Variants in GCN1 observed in about 807,000 individuals in gnomAD.
The protein encoded by GCN1 is GCN1 activator of EIF2AK4.
Under a neutral mutation model 288.4 loss-of-function variants are expected in GCN1, and 90 were observed. That is an observed-to-expected ratio of 0.31 (90% confidence interval 0.26 to 0.37). The LOEUF is 0.37. Ranked by LOEUF, GCN1 falls within the 10% of genes least tolerant of loss-of-function variation. GCN1 has a pLI of 1.00. For missense variants in GCN1, 2,586 were observed against 3,419.9 expected, an observed-to-expected ratio of 0.76 and a Z score of 6.08; for synonymous variants, 1,386 against 1,420.2, an observed-to-expected ratio of 0.98 and a Z score of 0.54.
At chr12:120,188,026 C>T (rs118093042) in intron 2 of GCN1, among the ~76,000 whole-genome samples, 1 of 152,194 alleles carries the variant, frequency 6.6e-6, no homozygotes, top group East Asian at 1.9e-4. Flanking sequence ...AAATGTGTTC[C>T]CCAGACCCTC....
intron 1 of GCN1, 119 bp from the exon 2 acceptor site, chr12:120,190,519 C>T: frequency 1.5e-6 from 1 of 666,508 alleles, no homozygotes; most frequent in South Asian, 1.7e-5. Flanking sequence ...TCAACCTCCC[C>T]ACTGGTGACA....
chr12:120,144,802 T>G lies in GCN1; in HGVS notation c.5189A>C (p.Glu1730Ala). 1 of 1,614,090 alleles carries G rather than the reference T, an allele frequency of 6.2e-7. No homozygotes were observed. Among genetic ancestry groups the G allele is most frequent in the Non-Finnish European group, 8.5e-7 (1 of 1,180,000 alleles). ...TTCTGGCATCAACTTCTCCAACTTC[T>G]CCACCCCCAAACCGGCCATGACCTC... Reference protein sequence around the residue: ...LAEVMAGLGVEKLEKLMPEIV... With the variant: ...LAEVMAGLGVAKLEKLMPEIV... The change falls in exon 41 of 58, where the codon GAG (glutamate) becomes GCG (alanine). Residue 1730 changes from glutamate (E) to alanine (A), a missense_variant. By Grantham distance (107) the Glu-to-Ala change is moderately radical. Coordinates refer to ENST00000300648, the MANE Select transcript of GCN1 (RefSeq NM_006836.2). This position sits in a 1 kb window ranked among gnomAD's most constrained non-coding sequence, Gnocchi z 4.7.
rs1876920404 is a variant in GCN1 at position 120,134,195 on chromosome 12, C to G, written c.7317+96G>C. 3 of 764,010 alleles carry G rather than the reference C, an allele frequency of 3.9e-6. No individual in the cohort carries two copies. In the African/African-American group the frequency reaches 5.1e-5, roughly 13 times the overall value. The allele number at this position is 764,010 out of a possible 1,614,324, so 47.3% of individuals were successfully genotyped here. A position where few individuals can be genotyped will look rare whatever the true frequency, so the allele number is the denominator to read the frequency against. The stretch of plus-strand genomic sequence containing the variant: ...GTCAGGAATGCTTATTACTACTGAG[C>G]TGTACTGGTTCTAACACAAAGTGAA... On this transcript the variant is annotated intron_variant, in intron 53 of 57. Transcript: ENST00000300648. This position sits in a 1 kb window ranked among gnomAD's most constrained non-coding sequence, Gnocchi z 5.0.
Position 120,142,752 on chromosome 12 carries a change from G to A in GCN1, c.5614-30C>T. ...AGCCAGTAGAAGGGGACAGAGAGTAGTGAAGCCTCTATGGCATGGGCATCA... is the reference window on the plus strand; with the variant it reads ...AGCCAGTAGAAGGGGACAGAGAGTAATGAAGCCTCTATGGCATGGGCATCA... On this transcript the variant is annotated intron_variant, in intron 43 of 57. Transcript: ENST00000300648. The surrounding 1 kb of genome is among the most constrained non-coding windows in gnomAD (Gnocchi z 4.9). 1 of 1,609,012 alleles carries A rather than the reference G, an allele frequency of 6.2e-7. No individual in the cohort carries two copies. The highest frequency in any genetic ancestry group is 8.5e-7 in the Non-Finnish European group (1 of 1,175,300).
chr12:120,175,287 G>T lies in GCN1; in HGVS notation c.1043-75C>A, dbSNP rs1594284361. ...AAGAGAGTGAACAATGCAGTCACGT[G>T]TGTGATGCCACGATACGGTTTCTGA... On this transcript the variant is annotated intron_variant, in intron 11 of 57. Coordinates refer to ENST00000300648, the MANE Select transcript of GCN1 (RefSeq NM_006836.2). 9 of 1,282,472 alleles carry T rather than the reference G, an allele frequency of 7.0e-6. No homozygotes were observed. The Admixed American group carries it at 8.5e-5, about 12-fold the overall frequency. 79.4% of individuals were successfully genotyped at this position (1,282,472 alleles called of 1,614,324 possible). A position where few individuals can be genotyped will look rare whatever the true frequency, so the allele number is the denominator to read the frequency against.
Position 120,164,317 on chromosome 12 carries a change from A to G in GCN1, c.1848+19T>C, listed in dbSNP as rs780948430. On this transcript the variant is annotated intron_variant, in intron 18 of 57. Coordinates refer to ENST00000300648, the MANE Select transcript of GCN1 (RefSeq NM_006836.2). ...AAGTGGATCCAAGAGCCCCAGTTCT[A>G]GAGCCCAGATGCCCTCACCTTGTGA... is the stretch of plus-strand genomic sequence containing the variant. 4 of 1,603,426 alleles carry G rather than the reference A, an allele frequency of 2.5e-6. No individual in the cohort carries two copies. Among genetic ancestry groups the G allele is most frequent in the South Asian group, 1.1e-5 (1 of 90,408 alleles).
chr12:120,169,719 G>T (rs1392043227), intron 15 of GCN1, among the ~76,000 whole-genome samples: 1 of 152,184 alleles, frequency 6.6e-6, no homozygotes, highest in Non-Finnish European at 1.5e-5. Flanking sequence ...GGCCAGAATG[G>T]TCTCGAAATC....
rs1380072160 is a variant in GCN1, at chr12:120,153,209, G to A, written c.4062+4C>T. On this transcript the variant is annotated splice_donor_region_variant and intron_variant, in intron 33 of 57. Coordinates refer to ENST00000300648, the MANE Select transcript of GCN1 (RefSeq NM_006836.2). The surrounding 1 kb of genome is among the most constrained non-coding windows in gnomAD (Gnocchi z 4.4). ...ATGTGGGTCCCAGGCCAGATGGCAG[G>A]TACCTGCTGGGAGGGGGTGGAGAGG... 1 of 1,613,184 alleles carries A rather than the reference G, an allele frequency of 6.2e-7. No homozygotes were observed. Among genetic ancestry groups the A allele is most frequent in the East Asian group, 2.2e-5 (1 of 44,882 alleles).
At position 120,168,298 on chromosome 12, in the gene GCN1, C is replaced by T. The variant is rs779196254; in HGVS notation, c.1522G>A (p.Ala508Thr). The T allele has an allele frequency of 7.5e-6, 12 of 1,591,288 alleles. No homozygotes were observed. The highest frequency in any genetic ancestry group is 3.3e-5 in the Admixed American group (2 of 59,974). Residue 508 changes from alanine to threonine, a missense_variant and splice_region_variant, in exon 16 of 58, where the codon GCC becomes ACC. Physicochemically the swap from Ala to Thr is moderately conservative, Grantham distance 58. This residue lies in a region of GCN1 where 913 missense variants were observed against 1,107.0 expected (regional missense o/e 0.82). Coordinates refer to ENST00000300648, the MANE Select transcript of GCN1 (RefSeq NM_006836.2). ...KLSVADSQAE[A>T]KLSSFWQLIV... Reference sequence around the variant, plus strand: ...AACTGCCAGAAACTGCTCAGTTTGGCCTCTGCAAGAAACAAAAGGTTACCC... The same window carrying T: ...AACTGCCAGAAACTGCTCAGTTTGGTCTCTGCAAGAAACAAAAGGTTACCC...
Position 120,134,276 on chromosome 12 carries a change from TGCCTGCA to T in GCN1, c.7317+8_7317+14del. 6.3e-7 allele frequency: 1 copy of T among 1,581,884 alleles called. No individual in the cohort carries two copies. The highest frequency in any genetic ancestry group is 1.1e-5 in the South Asian group (1 of 90,422). On this transcript the variant is annotated splice_region_variant and intron_variant, in intron 53 of 57. Coordinates refer to ENST00000300648, the MANE Select transcript of GCN1 (RefSeq NM_006836.2). The surrounding 1 kb of genome is among the most constrained non-coding windows in gnomAD (Gnocchi z 5.0). Reference sequence around the variant, plus strand: ...AGTGGTCCAGTGCTGCCACTAGTCCTGCCTGCAGCCGTACCTCATCGTGTCCCAGCAT... The same window carrying T: ...AGTGGTCCAGTGCTGCCACTAGTCCTGCCGTACCTCATCGTGTCCCAGCAT...
At position 120,138,334 on chromosome 12, in the gene GCN1, G is replaced by C; in HGVS notation, c.6238C>G (p.Leu2080Val). 1 of 1,599,326 alleles carries C rather than the reference G, an allele frequency of 6.3e-7. No homozygotes were observed. Among genetic ancestry groups the C allele is most frequent in the Non-Finnish European group, 8.6e-7 (1 of 1,166,412 alleles). The change falls in exon 47 of 58, where the codon CTT becomes GTT. Residue 2080 changes from leucine to valine, a missense_variant. Transcript: ENST00000300648. ...AIKSRVVLPY[L>V]VPKLTTPPVN... The stretch of plus-strand genomic sequence containing the variant: ...ATGTTGGGATTTACCTTGGGCACAA[G>C]GTAGGGCAGCACCACACGACTCTTA...
At chr12:120,169,991 C>A (rs1441502936) in intron 15 of GCN1, among the ~76,000 whole-genome samples, 178 bp downstream of exon 15, 2 of 152,176 alleles carry the variant, frequency 1.3e-5, no homozygotes, top group Admixed American at 6.5e-5. Flanking sequence ...GACACAGTCC[C>A]CTGACTGCAT....
intron 5 of GCN1, among the ~76,000 whole-genome samples, chr12:120,181,127 A>G (rs1878642986): frequency 6.6e-6 from 1 of 152,158 alleles, no homozygotes; most frequent in Non-Finnish European, 1.5e-5. Context: ...AGTAACAATA[A>G]AAAACCGTAA....
Position 120,184,139 on chromosome 12 carries a change from C to A in GCN1, c.290G>T (p.Gly97Val). ...KNLLHSLQSS[G>V]IGSKAGVPSK... ...GGGAACACCTGCTTTGGAGCCTATA[C>A]CAGAAGACTGCAGAGAGTGTAGAAG... Residue 97 changes from glycine (G) to valine (V), a missense_variant, in exon 4 of 58, where the codon GGT becomes GTT. Physicochemically the swap from Gly to Val is moderately radical, Grantham distance 109. Around this residue, in one of 8 missense-constraint regions of GCN1, gnomAD observed 913 missense variants for 1,107.0 expected, o/e 0.82. Transcript: ENST00000300648. 1 of 1,613,876 alleles carries A rather than the reference C, an allele frequency of 6.2e-7. No homozygotes were observed. The highest frequency in any genetic ancestry group is 8.5e-7 in the Non-Finnish European group (1 of 1,179,796).
intron 7 of GCN1, 151 bp from the exon 8 acceptor site, chr12:120,177,903 C>T (rs1312640096): frequency 1.5e-6 from 1 of 664,574 alleles, no homozygotes; most frequent in South Asian, 1.7e-5. Context: ...GATCACGCAA[C>T]CCCACTTAAA....
At position 120,158,930 on chromosome 12, in the gene GCN1, T is replaced by G. The variant is rs533268234; in HGVS notation, c.2750-315A>C. 6.7e-6 allele frequency among the ~76,000 whole-genome samples: 1 copy of G among 150,356 alleles called. No homozygotes were observed. The highest frequency in any genetic ancestry group is 2.0e-4 in the East Asian group (1 of 5,108). ...AGGAGGCTCAAGAAGGAGAATGGCA[T>G]GAACCCGGGAAGCGGAGCTGGCAGT... On this transcript the variant is annotated intron_variant, in intron 24 of 57. Coordinates refer to ENST00000300648, the MANE Select transcript of GCN1 (RefSeq NM_006836.2). This position sits in a 1 kb window ranked among gnomAD's most constrained non-coding sequence, Gnocchi z 4.3.
At chr12:120,161,797 C>A (rs1032600556) in intron 21 of GCN1, 83 bp downstream of exon 21, 2 of 1,343,344 alleles carry the variant, frequency 1.5e-6, no homozygotes, top group African/African-American at 2.9e-5. Context: ...ATTCAACTCA[C>A]AGGAGGCACT....
intron 9 of GCN1, 76 bp downstream of exon 9, chr12:120,177,371 T>G: frequency 5.8e-5 from 40 of 685,392 alleles, no homozygotes; most frequent in East Asian, 1.2e-4. Flanking sequence ...CACACACACT[T>G]CTTGTTGCCA....
chr12:120,132,923 C>G (rs1876876847), intron 53 of GCN1, among the ~76,000 whole-genome samples: 1 of 152,214 alleles, frequency 6.6e-6, no homozygotes, highest in African/African-American at 2.4e-5. Context: ...CAAGCTAAAG[C>G]TGGCTCTGAC....
Sources: gnomAD v4.1 joint callset for allele counts (sites outside exome capture counted in the v4.1 genomes callset) on GRCh38, gnomAD v4.1.1 for gene constraint, gnomAD v4.1.1 regional missense constraint, Gnocchi (gnomAD v3.1) non-coding constraint, MANE v1.5 for transcripts, NCBI Gene and HGNC (gene_info 2026-07-23, HGNC 2026-07-21) for gene names.